The following IFT140 variants were observed in gnomAD, a reference collection of about 807,000 sequenced individuals.
IFT140 encodes the protein intraflagellar transport protein 140 homolog.
In IFT140, 133 loss-of-function variants were observed where a neutral mutation model predicts 164.6. The ratio of observed to expected loss-of-function variants is 0.81; its 90% CI spans 0.70 to 0.93. The LOEUF (loss-of-function observed/expected upper bound fraction) is 0.93, where lower values mean the gene tolerates loss of function less well. IFT140 is among the 40% of genes least tolerant of loss of function. The probability of loss-of-function intolerance (pLI) is 0.00; values close to 1 mark genes in which losing one functional copy is unlikely to be tolerated. For missense variants in IFT140, 2,045 were observed against 1,972.3 expected, an observed-to-expected ratio of 1.04 and a Z score of -0.70; for synonymous variants, 860 against 817.3, an observed-to-expected ratio of 1.05 and a Z score of -0.89.
intron 19 of IFT140, among the ~76,000 whole-genome samples, chr16:1,528,522 G>A (rs1039308083): frequency 6.7e-6 from 1 of 148,224 alleles, no homozygotes; most frequent in Non-Finnish European, 1.5e-5. Context: ...CACACACACA[G>A]GCACACACAA....
Position 1,519,866 on chromosome 16 carries a change from G to C in IFT140, c.4040+15C>G, listed in dbSNP as rs373703197. On this transcript the variant is annotated intron_variant, in intron 29 of 30. Transcript: ENST00000426508. Reference sequence around the variant, plus strand: ...CATCTGCCCTGGCCTGTCCCCGCTGGCCCCGGGGGCACACCTGCGGGCCTG... The same window carrying C: ...CATCTGCCCTGGCCTGTCCCCGCTGCCCCCGGGGGCACACCTGCGGGCCTG... 2.6e-4 allele frequency: 394 copies of C among 1,521,298 alleles called. 1 individual carries two copies. In the African/African-American group the frequency reaches 4.9e-3, roughly 19 times the overall value. 94.2% of individuals were successfully genotyped at this position (1,521,298 alleles called of 1,614,324 possible). A position where few individuals can be genotyped will look rare whatever the true frequency, so the allele number is the denominator to read the frequency against.
chr16:1,555,066 C>T lies in IFT140; in HGVS notation c.2399+2869G>A, dbSNP rs550914444. 1.4e-4 allele frequency: 219 copies of T among 1,573,750 alleles called. 1 individual carries two copies. The South Asian group carries it at 2.2e-3, about 16-fold the overall frequency. On this transcript the variant is annotated intron_variant, in intron 19 of 30. Transcript: ENST00000426508. ...CGCTCCATCAACGCACACCTGCTAT[C>T]GTGGAACAGCCTAGAAACCAAGGGA...
Position 1,602,549 on chromosome 16 carries a change from C to G in IFT140, c.190G>C (p.Val64Leu), listed in dbSNP as rs146293046. 2.5e-6 allele frequency: 4 copies of G among 1,613,804 alleles called. No individual in the cohort carries two copies. Among genetic ancestry groups the G allele is most frequent in the African/African-American group, 2.7e-5 (2 of 74,936 alleles). The change falls in exon 4 of 31, where the codon GTT becomes CTT. Residue 64 changes from valine to leucine, a missense_variant. Val to Leu is a conservative substitution (Grantham distance 32). Transcript: ENST00000426508. ...PDTHVERPFR[V>L]ASLCWHPTRL... ...GTCGGGTGCCAGCACAGGGAAGCAA[C>G]CCGGAACGGCCTCTCGACGTGTGTA...
At position 1,571,401 on chromosome 16, in the gene IFT140, A is replaced by T; in HGVS notation, c.1652+6T>A. On this transcript the variant is annotated splice_donor_region_variant and intron_variant, in intron 14 of 30. Coordinates refer to ENST00000426508, the MANE Select transcript of IFT140 (RefSeq NM_014714.4). ...GTTCACACTTCTATTTGGAAAAAAA[A>T]TTTACCTTCGGGAAAGATCAAAGCT... 1 of 1,608,492 alleles carries T rather than the reference A, an allele frequency of 6.2e-7. No individual in the cohort carries two copies. Among genetic ancestry groups the T allele is most frequent in the Non-Finnish European group, 8.5e-7 (1 of 1,178,588 alleles).
chr16:1,582,699 T>C (rs545808326), intron 12 of IFT140, among the ~76,000 whole-genome samples: 9 of 152,286 alleles, frequency 5.9e-5, no homozygotes, highest in Non-Finnish European at 1.2e-4. Context: ...AGGTCAGGAG[T>C]TCGAGACCAG....
intron 26 of IFT140, 125 bp downstream of exon 26, chr16:1,523,393 A>T (rs1596301988): frequency 1.0e-6 from 1 of 994,912 alleles, no homozygotes; most frequent in South Asian, 1.6e-5. Flanking sequence ...GGCAGGGGGC[A>T]CCCACCGCAG....
At chr16:1,547,339 A>G (rs1173667549) in intron 19 of IFT140, among the ~76,000 whole-genome samples, 2 of 152,108 alleles carry the variant, frequency 1.3e-5, no homozygotes, top group Non-Finnish European at 2.9e-5. Context: ...TTTATTCTGA[A>G]CTGCCTTCAA....
At chr16:1,511,364 C>T (rs1209219227) in intron 30 of IFT140, among the ~76,000 whole-genome samples, 1 of 152,216 alleles carries the variant, frequency 6.6e-6, no homozygotes, top group Non-Finnish European at 1.5e-5. Flanking sequence ...CATGTGTGGA[C>T]ACTCAACAGG....
At chr16:1,545,393 C>T (rs901220465) in intron 19 of IFT140, among the ~76,000 whole-genome samples, 3 of 152,212 alleles carry the variant, frequency 2.0e-5, no homozygotes, top group African/African-American at 4.8e-5. Flanking sequence ...TCACCCCTAA[C>T]GGGTCTGTTT....
intron 9 of IFT140, among the ~76,000 whole-genome samples, chr16:1,586,794 C>T (rs1487627694): frequency 2.0e-5 from 3 of 152,212 alleles, no homozygotes; most frequent in African/African-American, 7.2e-5. Flanking sequence ...GCAGCCTCAA[C>T]CTCCCAGGCT....
chr16:1,537,211 T>G (rs2031163483), intron 19 of IFT140, among the ~76,000 whole-genome samples: 1 of 151,378 alleles, frequency 6.6e-6, no homozygotes, highest in African/African-American at 2.4e-5. Flanking sequence ...TCACACCGCG[T>G]GCCTCCTCAC....
chr16:1,582,441 C>T (rs994574386), intron 12 of IFT140, among the ~76,000 whole-genome samples: 3 of 152,202 alleles, frequency 2.0e-5, no homozygotes, highest in South Asian at 2.1e-4. Context: ...GCCCTGCTGA[C>T]GCGATCACTT....
rs772467024 is a variant in IFT140, at chr16:1,526,718, G to A, written c.2478C>T (p.Asn826=). The change falls in exon 20 of 31, where the codon AAC becomes AAT. Residue 826 remains asparagine, a synonymous_variant. Transcript: ENST00000426508. ...CTCGGGCCCCGCGGGCATGGCCCATGTTCCCCAGGCACACCTTGGCCACGT... is the reference window on the plus strand; with the variant it reads ...CTCGGGCCCCGCGGGCATGGCCCATATTCCCCAGGCACACCTTGGCCACGT... ...RLDVAKVCLG[N]MGHARGARAL... 1.2e-6 allele frequency: 2 copies of A among 1,608,900 alleles called. No homozygotes were observed. Among genetic ancestry groups the A allele is most frequent in the African/African-American group, 1.3e-5 (1 of 75,024 alleles).
At position 1,553,976 on chromosome 16, in the gene IFT140, A is replaced by ACGGGAACAAGCTG; in HGVS notation, c.2399+3946_2399+3958dup. 2 of 1,287,218 alleles carry ACGGGAACAAGCTG rather than the reference A, an allele frequency of 1.6e-6. No individual in the cohort carries two copies. The highest frequency in any genetic ancestry group is 1.1e-4 in the East Asian group (2 of 18,018). The allele number at this position is 1,287,218 out of a possible 1,614,324, so 79.7% of individuals were successfully genotyped here. A position where few individuals can be genotyped will look rare whatever the true frequency, so the allele number is the denominator to read the frequency against. On this transcript the variant is annotated intron_variant, in intron 19 of 30. Transcript: ENST00000426508. The surrounding 1 kb of genome is among the most constrained non-coding windows in gnomAD (Gnocchi z 4.4). ...AACTGTAGCATCAGCGACTAACTAG[A>ACGGGAACAAGCTG]CGGGAACAAGCTGCGCCAACCAAGG...
At chr16:1,560,710 T>C (rs2033358595) in intron 18 of IFT140, among the ~76,000 whole-genome samples, 1 of 152,174 alleles carries the variant, frequency 6.6e-6, no homozygotes, top group South Asian at 2.1e-4. Context: ...AAATGCTCCC[T>C]CGACCCACCT....
chr16:1,538,161 G>A (rs866365194), intron 19 of IFT140, among the ~76,000 whole-genome samples: 17 of 152,220 alleles, frequency 1.1e-4, no homozygotes, highest in African/African-American at 4.1e-4. Context: ...GGGCAGGAGT[G>A]CCTCCTTCCT....
chr16:1,529,917 A>G (rs545710171), intron 19 of IFT140, among the ~76,000 whole-genome samples: 54 of 152,164 alleles, frequency 3.5e-4, no homozygotes, highest in African/African-American at 1.2e-3. Context: ...TCTCAAAAGA[A>G]ACACTGTGTC....
chr16:1,510,849 T>C lies in IFT140; in HGVS notation c.*95A>G. On this transcript the variant is annotated 3_prime_UTR_variant, in exon 31 of 31. Coordinates refer to ENST00000426508, the MANE Select transcript of IFT140 (RefSeq NM_014714.4). ...CGCGTATTCCAACACAGACATGTTTTTTCCCAGCAAAAATGCTGGCTTTGC... is the reference window on the plus strand; with the variant it reads ...CGCGTATTCCAACACAGACATGTTTCTTCCCAGCAAAAATGCTGGCTTTGC... 2.6e-6 allele frequency: 3 copies of C among 1,169,448 alleles called. No individual in the cohort carries two copies. Among genetic ancestry groups the C allele is most frequent in the Non-Finnish European group, 3.7e-6 (3 of 806,806 alleles). 72.4% of individuals were successfully genotyped at this position (1,169,448 alleles called of 1,614,324 possible). A position where few individuals can be genotyped will look rare whatever the true frequency, so the allele number is the denominator to read the frequency against.
intron 19 of IFT140, among the ~76,000 whole-genome samples, chr16:1,548,269 C>T (rs535511182): frequency 9.2e-5 from 14 of 152,332 alleles, no homozygotes; most frequent in Middle Eastern, 6.8e-3. Flanking sequence ...TGCAGCTGTA[C>T]GAAGAGCATC....
Sources: gnomAD v4.1 joint callset for allele counts (sites outside exome capture counted in the v4.1 genomes callset) on GRCh38, gnomAD v4.1.1 for gene constraint, Gnocchi (gnomAD v3.1) non-coding constraint, MANE v1.5 for transcripts, NCBI Gene and HGNC (gene_info 2026-07-23, HGNC 2026-07-21) for gene names.